AKT3: variants seen among roughly 807,000 people sequenced by gnomAD.
AKT3 encodes the protein RAC-gamma serine/threonine-protein kinase.
In AKT3, 15 loss-of-function variants were observed where a neutral mutation model predicts 65.3. The observed-to-expected ratio is 0.23, with a 90% confidence interval of 0.15 to 0.35. AKT3 has a LOEUF of 0.35. AKT3 is among the 10% of genes least tolerant of loss of function. The pLI, the probability that AKT3 is intolerant of heterozygous loss-of-function variation, is 1.00. For missense variants in AKT3, 243 were observed against 576.5 expected (o/e 0.42, Z 5.92); for synonymous variants, 206 against 183.8 (o/e 1.12, Z -0.98).
chr1:243,539,458 T>C (rs1206643410), intron 12 of AKT3, among the ~76,000 whole-genome samples: 2 of 152,162 alleles, frequency 1.3e-5, no homozygotes, highest in African/African-American at 4.8e-5. Context: ...TACTAGTAGT[T>C]AAGTTTCTAG....
chr1:243,768,831 CAAAA>C (rs1360543117), intron 2 of AKT3, among the ~76,000 whole-genome samples: 2 of 78,136 alleles, frequency 2.6e-5, no homozygotes, highest in Non-Finnish European at 2.8e-5. Context: ...TGATCCGCCA[CAAAA>C]AAAAAAAAAA....
At chr1:243,542,005 AT>A (rs2148440694) in intron 12 of AKT3, among the ~76,000 whole-genome samples, 1 of 152,326 alleles carries the variant, frequency 6.6e-6, no homozygotes, top group Admixed American at 6.5e-5. Flanking sequence ...AACATTGAAA[AT>A]TACAAAACAT....
chr1:243,516,208 A>G (rs1434960306), intron 12 of AKT3, among the ~76,000 whole-genome samples: 1 of 152,192 alleles, frequency 6.6e-6, no homozygotes, highest in Non-Finnish European at 1.5e-5. Context: ...GCTATTCATG[A>G]CATCTATTTC....
intron 2 of AKT3, among the ~76,000 whole-genome samples, chr1:243,740,071 C>T (rs1688058845): frequency 6.6e-6 from 1 of 152,176 alleles, no homozygotes; most frequent in South Asian, 2.1e-4. Flanking sequence ...AAGGCATGTC[C>T]TCATGTCAAC....
chr1:243,744,527 C>T (rs1252434188), intron 2 of AKT3, among the ~76,000 whole-genome samples: 1 of 151,882 alleles, frequency 6.6e-6, no homozygotes, highest in Non-Finnish European at 1.5e-5. Context: ...ATCACGAGGT[C>T]AGGAGATCGA....
intron 3 of AKT3, among the ~76,000 whole-genome samples, chr1:243,694,876 T>C (rs1197085177): frequency 2.6e-5 from 4 of 151,962 alleles, no homozygotes; most frequent in Non-Finnish European, 5.9e-5. Flanking sequence ...TTTAGCTTAA[T>C]AATACAGACG....
intron 2 of AKT3, among the ~76,000 whole-genome samples, chr1:243,779,813 T>G (rs1472042658): frequency 6.6e-6 from 1 of 152,098 alleles, no homozygotes; most frequent in Non-Finnish European, 1.5e-5. Flanking sequence ...TCCCAGCAAG[T>G]CCTCAAAAAT....
chr1:243,791,518 TTAAG>T (rs1188597505), intron 2 of AKT3, among the ~76,000 whole-genome samples: 1 of 152,204 alleles, frequency 6.6e-6, no homozygotes, highest in African/African-American at 2.4e-5. Flanking sequence ...AACCAGAGCA[TTAAG>T]TAAAATGGTT....
chr1:243,777,050 A>G (rs968850862), intron 2 of AKT3, among the ~76,000 whole-genome samples: 2 of 152,056 alleles, frequency 1.3e-5, no homozygotes, highest in African/African-American at 2.4e-5. Context: ...GGAGGAAGCA[A>G]TTGTGGTTGT....
intron 11 of AKT3, among the ~76,000 whole-genome samples, chr1:243,545,922 A>T (rs1672636502): frequency 6.6e-6 from 1 of 152,150 alleles, no homozygotes; most frequent in South Asian, 2.1e-4. Flanking sequence ...GTGGGGAATG[A>T]TAACGTTTGC....
intron 2 of AKT3, among the ~76,000 whole-genome samples, chr1:243,834,463 A>G (rs1167459166): frequency 1.3e-5 from 2 of 152,216 alleles, no homozygotes; most frequent in Non-Finnish European, 2.9e-5. Context: ...CTGAGTACAC[A>G]TGGACAATGT....
Position 243,764,311 on chromosome 1 carries a change from G to A in AKT3, c.47-68595C>T, listed in dbSNP as rs148285196. On this transcript the variant is annotated intron_variant, in intron 2 of 13. Coordinates refer to ENST00000673466, the MANE Select transcript of AKT3 (RefSeq NM_005465.7). ...AATAAAACTCTATAAAGTAAAAGGG[G>A]CTGGAAGAAAATTAGTCAAAATGCA... Among the ~76,000 whole-genome samples, 32 of 152,042 alleles carry A rather than the reference G, an allele frequency of 2.1e-4. No homozygotes were observed. The East Asian group carries it at 6.2e-3, about 29-fold the overall frequency.
At chr1:243,743,029 G>A (rs922698891) in intron 2 of AKT3, among the ~76,000 whole-genome samples, 8 of 152,102 alleles carry the variant, frequency 5.3e-5, no homozygotes, top group African/African-American at 1.9e-4. Flanking sequence ...AGGCCAAAGT[G>A]ACACATACTA....
chr1:243,823,934 G>C lies in AKT3; in HGVS notation c.46+19191C>G, dbSNP rs183370277. The stretch of plus-strand genomic sequence containing the variant: ...TTAAAATTCATATGGAACCAAAAAA[G>C]AGCCTGAATAGCCAAGACAAATCCT... On this transcript the variant is annotated intron_variant, in intron 2 of 13. Transcript: ENST00000673466. Among the ~76,000 whole-genome samples the C allele has an allele frequency of 3.3e-5, 5 of 152,192 alleles. No individual in the cohort carries two copies. The East Asian group carries it at 9.6e-4, about 29-fold the overall frequency.
intron 2 of AKT3, among the ~76,000 whole-genome samples, chr1:243,719,192 T>A (rs1686717077): frequency 6.6e-6 from 1 of 152,152 alleles, no homozygotes; most frequent in Non-Finnish European, 1.5e-5. Flanking sequence ...AATTCCTTTT[T>A]AAAAAAACCG....
rs773758145 is a variant in AKT3 at position 243,664,815 on chromosome 1, T to C, written c.241A>G (p.Thr81Ala). 2.5e-6 allele frequency: 4 copies of C among 1,589,326 alleles called. No homozygotes were observed. The highest frequency in any genetic ancestry group is 1.8e-5 in the Admixed American group (1 of 55,438). Reference protein sequence around the residue: ...TFIIRCLQWTTVIERTFHVDT... With the variant: ...TFIIRCLQWTAVIERTFHVDT... ...ACATGAAATGTTCTCTCTATAACAG[T>C]AGTCCACTGGAGACATCTGATTATA... Residue 81 changes from threonine (T) to alanine (A), a missense_variant, in exon 4 of 14, where the codon ACT (threonine) becomes GCT (alanine). Thr to Ala is a moderately conservative substitution (Grantham distance 58, BLOSUM62 0). Transcript: ENST00000673466.
intron 6 of AKT3, among the ~76,000 whole-genome samples, chr1:243,633,811 A>G (rs1488874315): frequency 1.3e-5 from 2 of 152,150 alleles, no homozygotes; most frequent in African/African-American, 4.8e-5. Context: ...TAAATGGACT[A>G]AACTCTCCAA....
intron 2 of AKT3, among the ~76,000 whole-genome samples, chr1:243,811,831 C>T (rs925072613): frequency 1.3e-5 from 2 of 152,076 alleles, no homozygotes; most frequent in East Asian, 1.9e-4. Context: ...GAGATACAGA[C>T]CAATGGAACA....
intron 2 of AKT3, among the ~76,000 whole-genome samples, chr1:243,713,777 C>G (rs1395920322): frequency 7.0e-6 from 1 of 143,066 alleles, no homozygotes; most frequent in African/African-American, 2.5e-5. Flanking sequence ...AAAAAAAATC[C>G]CTTCTGTCAA....
Sources: allele counts gnomAD v4.1 joint callset (sites outside exome capture counted in the v4.1 genomes callset), GRCh38; gene constraint gnomAD v4.1.1; transcripts MANE v1.5; gene names NCBI Gene and HGNC (gene_info 2026-07-23, HGNC 2026-07-21).